The following SYNE2 variants were observed in gnomAD, a reference collection of about 807,000 sequenced individuals.
SYNE2 encodes the protein nesprin-2.
In SYNE2, 431 loss-of-function variants were observed where a neutral mutation model predicts 856.3. The observed-to-expected ratio is 0.50, with a 90% CI of 0.47 to 0.55. SYNE2 has a LOEUF of 0.55. Among genes scored for constraint, SYNE2 ranks in the 20% least tolerant of loss-of-function variants. The pLI, the probability that SYNE2 is intolerant of heterozygous loss-of-function variation, is 0.00. For synonymous variants in SYNE2, 2,923 were observed against 2,872.3 expected (o/e 1.02, Z -0.56); for missense variants, 8,129 against 8,023.2 (o/e 1.01, Z -0.50).
At chr14:64,116,717 G>T (rs2097856294) in intron 66 of SYNE2, among the ~76,000 whole-genome samples, 1 of 152,114 alleles carries the variant, frequency 6.6e-6, no homozygotes, top group Non-Finnish European at 1.5e-5. Flanking sequence ...TGCCCGGCCA[G>T]TACCATTACT....
intron 55 of SYNE2, 35 bp from the exon 56 acceptor site, chr14:64,080,421 C>T: frequency 6.2e-7 from 1 of 1,610,958 alleles, no homozygotes; most frequent in Non-Finnish European, 8.5e-7. Context: ...ACTATGACCT[C>T]TTCATTCAAG....
intron 96 of SYNE2, among the ~76,000 whole-genome samples, chr14:64,180,662 C>T (rs540264308): frequency 6.6e-6 from 1 of 152,256 alleles, no homozygotes; most frequent in Non-Finnish European, 1.5e-5. Flanking sequence ...CGCCACCACG[C>T]CCAGCTAATT....
chr14:64,143,742 T>G lies in SYNE2; in HGVS notation c.15307-30T>G, dbSNP rs1040251571. On this transcript the variant is annotated intron_variant, in intron 82 of 115. Transcript: ENST00000555002. ...ATTTGATCTGACCAACATTCATGACTGCTTTGGTGTTTAACTTTGCTTATT... is the reference window on the plus strand; with the variant it reads ...ATTTGATCTGACCAACATTCATGACGGCTTTGGTGTTTAACTTTGCTTATT... 15 of 1,612,812 alleles carry G rather than the reference T, an allele frequency of 9.3e-6. 1 individual carries two copies. The African/African-American group carries it at 1.6e-4, about 17-fold the overall frequency.
chr14:64,164,776 A>C (rs1454014317), intron 89 of SYNE2, among the ~76,000 whole-genome samples: 1 of 152,202 alleles, frequency 6.6e-6, no homozygotes, highest in Non-Finnish European at 1.5e-5. Context: ...GTGAAAAATC[A>C]GGGGGCTTCT....
At chr14:63,835,043 C>T (rs1257755360) in intron 1 of SYNE2, among the ~76,000 whole-genome samples, 1 of 152,028 alleles carries the variant, frequency 6.6e-6, no homozygotes, top group Non-Finnish European at 1.5e-5. Flanking sequence ...AATAAAGCTT[C>T]TTTTATTTAT....
intron 105 of SYNE2, 144 bp downstream of exon 105, chr14:64,213,149 T>C (rs2098650052): frequency 1.2e-6 from 1 of 843,230 alleles, no homozygotes; most frequent in Non-Finnish European, 1.8e-6. Flanking sequence ...TATCAAAACA[T>C]TTTAATTTCC....
In SYNE2 at chr14:64,025,326, G is replaced by A. The variant is rs2096969348; in HGVS notation, c.6157G>A (p.Val2053Ile). 1.9e-6 allele frequency: 3 copies of A among 1,613,954 alleles called. No homozygotes were observed. The highest frequency in any genetic ancestry group is 1.3e-5 in the African/African-American group (1 of 74,928). Reference protein sequence around the residue: ...DQSFNDLAHDVIHWIKEIKES... With the variant: ...DQSFNDLAHDIIHWIKEIKES... ...GAGCTTTAATGATCTTGCACATGATGTAATTCATTGGATAAAAGAGATTAA... is the reference window on the plus strand; with the variant it reads ...GAGCTTTAATGATCTTGCACATGATATAATTCATTGGATAAAAGAGATTAA... Residue 2053 changes from valine (V) to isoleucine (I), a missense_variant, in exon 41 of 116, where the codon GTA becomes ATA. This residue lies in a region of SYNE2 where 2,422 missense variants were observed against 2,357.4 expected (regional missense o/e 1.03). Coordinates refer to ENST00000555002, the MANE Select transcript of SYNE2 (RefSeq NM_182914.3).
At chr14:64,006,986 G>T (rs1594815346) in intron 30 of SYNE2, 57 bp from the exon 31 acceptor site, 2 of 1,379,260 alleles carry the variant, frequency 1.5e-6, no homozygotes, top group Non-Finnish European at 2.1e-6. Context: ...ACCCATATTT[G>T]TGTTGAATCA....
At chr14:63,898,047 T>G (rs145437602) in intron 1 of SYNE2, among the ~76,000 whole-genome samples, 14 of 152,362 alleles carry the variant, frequency 9.2e-5, no homozygotes, top group African/African-American at 3.4e-4. Context: ...AAGCCACTCA[T>G]TGAAATCTCT....
rs1222194629 is a variant in SYNE2 at position 64,216,264 on chromosome 14, T to C, written c.19419T>C (p.Asp6473=). 3 of 1,614,212 alleles carry C rather than the reference T, an allele frequency of 1.9e-6. No homozygotes were observed. The highest frequency in any genetic ancestry group is 1.3e-5 in the African/African-American group (1 of 75,048). Residue 6473 remains aspartate (D), a synonymous_variant, in exon 108 of 116, where the codon GAT becomes GAC. Coordinates refer to ENST00000555002, the MANE Select transcript of SYNE2 (RefSeq NM_182914.3). The part of the protein sequence containing the change: ...LKASSGKSIS[D]GHSWHVPDSP... Reference sequence around the variant, plus strand: ...TCGTTTCAGGTAAATCCATTTCGGATGGCCACTCGTGGCATGTTCCCGACA... The same window carrying C: ...TCGTTTCAGGTAAATCCATTTCGGACGGCCACTCGTGGCATGTTCCCGACA...
chr14:64,191,960 G>C (rs1426673144), intron 99 of SYNE2, among the ~76,000 whole-genome samples: 2 of 152,194 alleles, frequency 1.3e-5, no homozygotes, highest in Non-Finnish European at 2.9e-5. Context: ...GAGGCCGCTG[G>C]TGCTGTCTGC....
At position 63,976,579 on chromosome 14, in the gene SYNE2, T is replaced by C. The variant is rs777181896; in HGVS notation, c.1145T>C (p.Ile382Thr). ...TTTTTTCAGATTAATGCATGGAAAATAAAGCTAAATTATGCCTTGCCCCCA... is the reference window on the plus strand; with the variant it reads ...TTTTTTCAGATTAATGCATGGAAAACAAAGCTAAATTATGCCTTGCCCCCA... ...GLDHQINAWK[I>T]KLNYALPPPL... is the part of the protein sequence containing the mutation. Residue 382 changes from isoleucine to threonine, a missense_variant, in exon 12 of 116, where the codon ATA becomes ACA. Around this residue, in one of 3 missense-constraint regions of SYNE2, gnomAD observed 2,422 missense variants for 2,357.4 expected, o/e 1.03. Transcript: ENST00000555002. 6.6e-7 allele frequency: 1 copy of C among 1,507,332 alleles called. No homozygotes were observed. 93.4% of individuals were successfully genotyped at this position (1,507,332 alleles called of 1,614,324 possible). A position where few individuals can be genotyped will look rare whatever the true frequency, so the allele number is the denominator to read the frequency against.
intron 2 of SYNE2, among the ~76,000 whole-genome samples, chr14:63,933,841 G>A (rs919189505): frequency 6.6e-6 from 1 of 152,074 alleles, no homozygotes; most frequent in African/African-American, 2.4e-5. Context: ...CTATAAGCAC[G>A]TGGCTCTCAA....
intron 1 of SYNE2, among the ~76,000 whole-genome samples, chr14:63,790,188 T>A (rs571150896): frequency 8.6e-5 from 13 of 151,462 alleles, no homozygotes; most frequent in African/African-American, 2.4e-4. Context: ...ACAAAACAGC[T>A]GGGTATGGTG....
At chr14:63,768,235 C>CT (rs1886762654) in intron 1 of SYNE2, among the ~76,000 whole-genome samples, 1 of 152,032 alleles carries the variant, frequency 6.6e-6, no homozygotes, top group Admixed American at 6.6e-5. Flanking sequence ...ACATCTCTGC[C>CT]TACAACTGAA....
At chr14:63,977,606 CA>C (rs752464366) in intron 12 of SYNE2, among the ~76,000 whole-genome samples, 17 of 152,076 alleles carry the variant, frequency 1.1e-4, no homozygotes, top group Non-Finnish European at 2.1e-4. Context: ...TTTTAAAAAA[CA>C]AAATTAGCTG....
intron 66 of SYNE2, among the ~76,000 whole-genome samples, chr14:64,117,143 G>T (rs953859908): frequency 1.4e-4 from 21 of 152,194 alleles, no homozygotes; most frequent in Admixed American, 2.6e-4. Flanking sequence ...TGACAACTGA[G>T]ATGGCTACAG....
In SYNE2 at chr14:64,170,314, A is replaced by G; in HGVS notation, c.17087A>G (p.Asp5696Gly). 4 of 1,614,200 alleles carry G rather than the reference A, an allele frequency of 2.5e-6. No individual in the cohort carries two copies. Among genetic ancestry groups the G allele is most frequent in the Non-Finnish European group, 3.4e-6 (4 of 1,180,046 alleles). Residue 5696 changes from aspartate to glycine, a missense_variant, in exon 94 of 116, where the codon GAT becomes GGT. Physicochemically the swap from Asp to Gly is moderately conservative, Grantham distance 94. Around this residue, in one of 3 missense-constraint regions of SYNE2, gnomAD observed 5,410 missense variants for 5,284.8 expected, o/e 1.02. Coordinates refer to ENST00000555002, the MANE Select transcript of SYNE2 (RefSeq NM_182914.3). The stretch of plus-strand genomic sequence containing the variant: ...GTTCGGCAGAGGAAGGGTGACGTTG[A>G]TGGGCTGGTGAGGCAGTGGCAAGAT... The part of the protein sequence containing the change: ...QGVRQRKGDV[D>G]GLVRQWQDFT...
At chr14:64,055,463 G>C (rs958049967) in intron 48 of SYNE2, among the ~76,000 whole-genome samples, 8 of 150,900 alleles carry the variant, frequency 5.3e-5, no homozygotes, top group African/African-American at 2.0e-4. Context: ...CCGCCTCCCG[G>C]GTTCACACGA....
Sources: allele counts gnomAD v4.1 joint callset (sites outside exome capture counted in the v4.1 genomes callset), GRCh38; gene constraint gnomAD v4.1.1; regional missense constraint gnomAD v4.1.1; transcripts MANE v1.5; gene names NCBI Gene and HGNC (gene_info 2026-07-23, HGNC 2026-07-21).